The following ABHD8 variants were observed in gnomAD, a reference collection of about 807,000 sequenced individuals.
ABHD8 encodes abhydrolase domain containing 8.
A neutral mutation model predicts 29.3 loss-of-function variants in ABHD8; 10 were observed. The ratio of observed to expected loss-of-function variants is 0.34; its 90% CI spans 0.21 to 0.58. The LOEUF (loss-of-function observed/expected upper bound fraction) is 0.58, where lower values mean the gene tolerates loss of function less well. Ranked by LOEUF, ABHD8 falls within the 20% of genes least tolerant of loss-of-function variation. ABHD8 has a pLI of 0.85. For missense variants in ABHD8, 556 were observed against 615.3 expected (o/e 0.90, Z 1.02); for synonymous variants, 282 against 274.6 (o/e 1.03, Z -0.27).
In ABHD8 at chr19:17,292,430, G is replaced by A. The variant is rs1376473207; in HGVS notation, c.*231C>T. ...CATCTTCCGTGAGGGTCCCGGCTGC[G>A]GCCCCAAAACGCCGATGGGCCCCGC... On this transcript the variant is annotated 3_prime_UTR_variant, in exon 5 of 5. Transcript: ENST00000247706. 7.5e-6 allele frequency: 4 copies of A among 531,546 alleles called. No individual in the cohort carries two copies. Among genetic ancestry groups the A allele is most frequent in the Non-Finnish European group, 1.3e-5 (4 of 310,996 alleles). The allele number at this position is 531,546 out of a possible 1,614,324, so 32.9% of individuals were successfully genotyped here. A position where few individuals can be genotyped will look rare whatever the true frequency, so the allele number is the denominator to read the frequency against.
At chr19:17,300,332 T>TTAA (rs2074111760) in intron 2 of ABHD8, among the ~76,000 whole-genome samples, 1 of 151,470 alleles carries the variant, frequency 6.6e-6, no homozygotes, top group Non-Finnish European at 1.5e-5. Flanking sequence ...AGCCCTTAAG[T>TTAA]AGGTGGAACT....
chr19:17,292,607 G>T lies in ABHD8; in HGVS notation c.*54C>A. 2 of 1,537,546 alleles carry T rather than the reference G, an allele frequency of 1.3e-6. No individual in the cohort carries two copies. Among genetic ancestry groups the T allele is most frequent in the Non-Finnish European group, 8.8e-7 (1 of 1,142,320 alleles). Reference sequence around the variant, plus strand: ...GCGCTGCAGACCTGGCGCAGGCTCGGGCCTCCTCCTGCTGCGGCTGTGCTC... The same window carrying T: ...GCGCTGCAGACCTGGCGCAGGCTCGTGCCTCCTCCTGCTGCGGCTGTGCTC... On this transcript the variant is annotated 3_prime_UTR_variant, in exon 5 of 5. Transcript: ENST00000247706.
chr19:17,293,690 GTT>G (rs56210466), intron 4 of ABHD8, among the ~76,000 whole-genome samples: 2,305 of 145,914 alleles, frequency 0.016, 62 homozygotes, highest in African/African-American at 0.053. Flanking sequence ...AATGGTTTTT[GTT>G]TTTTTTTTTT....
chr19:17,296,718 G>A (rs1470517958), intron 2 of ABHD8: 1 of 141,518 alleles, frequency 7.1e-6, no homozygotes, highest in Non-Finnish European at 1.5e-5. Context: ...TTTTTGAGAT[G>A]GAGTCCTGCT....
At chr19:17,296,222 T>C (rs2074093377) in intron 2 of ABHD8, 1 of 151,546 alleles carries the variant, frequency 6.6e-6, no homozygotes, top group African/African-American at 2.4e-5. Flanking sequence ...ATTTTAATTG[T>C]TTAAAATTTT....
chr19:17,294,395 G>A lies in ABHD8; in HGVS notation c.1042C>T (p.Pro348Ser), dbSNP rs1309806929. Residue 348 changes from proline to serine, a missense_variant, in exon 4 of 5, where the codon CCC becomes TCC. Transcript: ENST00000247706. Reference protein sequence around the residue: ...LRAMMSGQYWPEGDEVYHAEL... With the variant: ...LRAMMSGQYWSEGDEVYHAEL... ...GCGTGGTAGACCTCGTCGCCCTCGG[G>A]CCAGTACTGGCCGCTCATCATGGCC... 6.2e-7 allele frequency: 1 copy of A among 1,614,060 alleles called. No homozygotes were observed. The highest frequency in any genetic ancestry group is 8.5e-7 in the Non-Finnish European group (1 of 1,180,014).
intron 2 of ABHD8, chr19:17,296,153 T>G (rs2074093149): frequency 6.6e-6 from 1 of 152,194 alleles, no homozygotes; most frequent in African/African-American, 2.4e-5. Context: ...GTTTGAGTGT[T>G]GAGGATGGAA....
intron 2 of ABHD8, chr19:17,298,068 C>T (rs1374757527): frequency 6.6e-6 from 1 of 152,068 alleles, no homozygotes; most frequent in East Asian, 1.9e-4. Flanking sequence ...GCGCCTGCCA[C>T]CATGCCTGGC....
chr19:17,301,776 T>TTGTGTGTGTGTGTGTGTG (rs10679164), intron 1 of ABHD8, among the ~76,000 whole-genome samples, 152 bp from the exon 2 acceptor site: 2 of 147,354 alleles, frequency 1.4e-5, no homozygotes, highest in African/African-American at 5.1e-5. Context: ...ATTTTTTTGT[T>TTGTGTGTGTGTGTGTGTG]TGTGTGTGTG....
rs957345706 is a variant in ABHD8, at chr19:17,303,357, G to A, written c.-124C>T. ...GCGGGGTCAGGCCGGGTGCGTCTAC[G>A]CGGGCGGGCACCTGCCCCTGGCGGT... On this transcript the variant is annotated 5_prime_UTR_variant, in exon 1 of 5. Coordinates refer to ENST00000247706, the MANE Select transcript of ABHD8 (RefSeq NM_024527.5). 2.6e-5 allele frequency: 4 copies of A among 152,260 alleles called. No individual in the cohort carries two copies. The highest frequency in any genetic ancestry group is 4.8e-5 in the African/African-American group (2 of 41,466). 9.4% of individuals were successfully genotyped at this position (152,260 alleles called of 1,614,324 possible). A position where few individuals can be genotyped will look rare whatever the true frequency, so the allele number is the denominator to read the frequency against.
At chr19:17,295,954 T>TTC (rs1354372892) in intron 2 of ABHD8, among the ~76,000 whole-genome samples, 2 of 151,812 alleles carry the variant, frequency 1.3e-5, no homozygotes, top group Admixed American at 6.6e-5. Flanking sequence ...CAAGTGATCC[T>TTC]CTGGCCTTAA....
chr19:17,298,668 C>A (rs2074103506), intron 2 of ABHD8, among the ~76,000 whole-genome samples: 1 of 151,110 alleles, frequency 6.6e-6, no homozygotes, highest in Non-Finnish European at 1.5e-5. Context: ...TACTAAACAT[C>A]CTATAGCCCC....
At chr19:17,298,571 C>T (rs12982058) in intron 2 of ABHD8, 71,662 of 151,628 alleles carry the variant, frequency 0.47, 17,159 homozygotes, top group Non-Finnish European at 0.52. Flanking sequence ...CACCAGGGCA[C>T]GCTTGGCAAC....
At position 17,301,351 on chromosome 19, in the gene ABHD8, C is replaced by T. The variant is rs754123574; in HGVS notation, c.266G>A (p.Arg89Gln). ...TCGGCCCAGGTTTTCCACCAGCAAC[C>T]GCCCATTGCGGTACACGGTGATCCG... The part of the protein sequence containing the change: ...QRRITVYRNG[R>Q]LLVENLGRAP... The change falls in exon 2 of 5, where the codon CGG (arginine) becomes CAG (glutamine). Residue 89 changes from arginine to glutamine, a missense_variant. This residue lies in a region of ABHD8 where 286 missense variants were observed against 261.4 expected (regional missense o/e 1.09). Coordinates refer to ENST00000247706, the MANE Select transcript of ABHD8 (RefSeq NM_024527.5). 1.9e-6 allele frequency: 3 copies of T among 1,609,708 alleles called. No individual in the cohort carries two copies. The highest frequency in any genetic ancestry group is 2.5e-6 in the Non-Finnish European group (3 of 1,179,890).
At chr19:17,301,661 T>G (rs2074119801) in intron 1 of ABHD8, 37 bp from the exon 2 acceptor site, 2 of 1,505,734 alleles carry the variant, frequency 1.3e-6, no homozygotes, top group African/African-American at 2.8e-5. Context: ...AGGTGCTGTC[T>G]CAATGAGAAC....
At chr19:17,300,698 G>C (rs34641950) in intron 2 of ABHD8, among the ~76,000 whole-genome samples, 158 bp downstream of exon 2, 39,692 of 151,870 alleles carry the variant, frequency 0.26, 5,500 homozygotes, top group South Asian at 0.38. Flanking sequence ...GACTGTTCCC[G>C]AACTCCCAAC....
chr19:17,294,266 C>A lies in ABHD8; in HGVS notation c.1149+22G>T, dbSNP rs749967311. The A allele has an allele frequency of 3.8e-6, 6 of 1,589,056 alleles. No homozygotes were observed. The Admixed American group carries it at 5.0e-5, about 13-fold the overall frequency. On this transcript the variant is annotated intron_variant, in intron 4 of 4. Transcript: ENST00000247706. ...GCACCCTGGGGATTTGTAGCTGTGG[C>A]GCCCCAGGTGCCCGCCTCTACCTCG...
chr19:17,292,787 G>A lies in ABHD8; in HGVS notation c.1194C>T (p.His398=), dbSNP rs752558506. Residue 398 remains histidine, a synonymous_variant, in exon 5 of 5, where the codon CAC becomes CAT. Transcript: ENST00000247706. ...TCTCAGGGCATTCCAGCATCACCATGTGGCTGCCCTCGTCGATGAGCTTCA... is the reference window on the plus strand; with the variant it reads ...TCTCAGGGCATTCCAGCATCACCATATGGCTGCCCTCGTCGATGAGCTTCA... ...AFLKLIDEGS[H]MVMLECPETV... is the part of the protein sequence containing the mutation. 5.6e-6 allele frequency: 9 copies of A among 1,613,378 alleles called. 1 individual carries two copies. Among genetic ancestry groups the A allele is most frequent in the South Asian group, 1.1e-5 (1 of 90,866 alleles).
intron 2 of ABHD8, among the ~76,000 whole-genome samples, chr19:17,297,415 C>T (rs569657703): frequency 1.4e-4 from 22 of 152,106 alleles, no homozygotes; most frequent in Non-Finnish European, 3.1e-4. Flanking sequence ...CCTGCCTCAG[C>T]CTCCCAAGTA....
Sources: allele counts gnomAD v4.1 joint callset (sites outside exome capture counted in the v4.1 genomes callset), GRCh38; gene constraint gnomAD v4.1.1; regional missense constraint gnomAD v4.1.1; transcripts MANE v1.5; gene names NCBI Gene and HGNC (gene_info 2026-07-23, HGNC 2026-07-21).